The following FARS2 variants were observed in gnomAD, a reference collection of about 807,000 sequenced individuals.
The protein encoded by FARS2 is phenylalanyl-tRNA synthetase 2, mitochondrial.
Under a neutral mutation model 46.4 loss-of-function variants are expected in FARS2, and 40 were observed. The observed-to-expected ratio is 0.86, with a 90% CI of 0.67 to 1.12. The LOEUF (loss-of-function observed/expected upper bound fraction) is 1.12, where lower values mean the gene tolerates loss of function less well. Ranked by LOEUF, FARS2 falls within the 50% of genes most tolerant of loss-of-function variation. The pLI is 0.00. For synonymous variants in FARS2, 234 were observed against 214.9 expected (o/e 1.09, Z -0.78); for missense variants, 513 against 567.9 (o/e 0.90, Z 0.98).
intron 1 of FARS2, among the ~76,000 whole-genome samples, chr6:5,301,926 T>C (rs1477343173): frequency 6.6e-6 from 1 of 151,982 alleles, no homozygotes; most frequent in Non-Finnish European, 1.5e-5. Flanking sequence ...TCCTTCATGT[T>C]GGGAATTCAC....
chr6:5,557,117 C>T (rs78679882), intron 5 of FARS2, among the ~76,000 whole-genome samples: 2,308 of 152,172 alleles, frequency 0.015, 31 homozygotes, highest in Non-Finnish European at 0.023. Flanking sequence ...AAAGAAAGGT[C>T]GTATCAATTA....
intron 1 of FARS2, among the ~76,000 whole-genome samples, chr6:5,269,061 C>G (rs1456157591): frequency 6.6e-6 from 1 of 152,158 alleles, no homozygotes; most frequent in African/African-American, 2.4e-5. Context: ...CAGCACTGTT[C>G]ACAATAGCAA....
chr6:5,716,112 A>G lies in FARS2; in HGVS notation c.1218-55179A>G, dbSNP rs141348819. ...CTTATTTTTCCAGCTATTCTTTTGA[A>G]GCTAATTTGGGATGTCATTTCATCT... On this transcript the variant is annotated intron_variant, in intron 6 of 6. Transcript: ENST00000274680. Among the ~76,000 whole-genome samples the G allele has an allele frequency of 1.9e-3, 285 of 152,260 alleles. 2 individuals carry two copies. Among genetic ancestry groups the G allele is most frequent in the Middle Eastern group, 3.4e-3 (1 of 294 alleles).
intron 5 of FARS2, among the ~76,000 whole-genome samples, chr6:5,548,372 C>G (rs1188500142): frequency 1.3e-5 from 2 of 152,180 alleles, no homozygotes; most frequent in East Asian, 3.8e-4. Context: ...CATCTTGAAC[C>G]TTTCTATGTA....
intron 5 of FARS2, among the ~76,000 whole-genome samples, chr6:5,571,891 GC>G (rs886500702): frequency 2.0e-5 from 3 of 151,822 alleles, no homozygotes; most frequent in African/African-American, 7.2e-5. Flanking sequence ...CAAACCTCTA[GC>G]CTCACTTCTT....
rs1252993476 is a variant in FARS2 at position 5,404,770 on chromosome 6, G to C, written c.772+69G>C. ...TTGGGACAGAAGTGTTTTGGATTTG[G>C]GTTTTTTTTTTTTTTTTCATATTTT... On this transcript the variant is annotated intron_variant, in intron 3 of 6. Coordinates refer to ENST00000274680, the MANE Select transcript of FARS2 (RefSeq NM_006567.5). 5 of 1,002,986 alleles carry C rather than the reference G, an allele frequency of 5.0e-6. No homozygotes were observed. The East Asian group carries it at 1.2e-4, about 24-fold the overall frequency. The allele number at this position is 1,002,986 out of a possible 1,614,324, so 62.1% of individuals were successfully genotyped here. A position where few individuals can be genotyped will look rare whatever the true frequency, so the allele number is the denominator to read the frequency against.
chr6:5,489,761 T>C (rs1766989783), intron 4 of FARS2, among the ~76,000 whole-genome samples: 1 of 152,342 alleles, frequency 6.6e-6, no homozygotes, highest in East Asian at 1.9e-4. Flanking sequence ...CTGGTTATTA[T>C]TATAGAAAGT....
In FARS2 at chr6:5,700,586, C is replaced by T. The variant is rs146445436; in HGVS notation, c.1218-70705C>T. On this transcript the variant is annotated intron_variant, in intron 6 of 6. Transcript: ENST00000274680. ...CTGATTTTTGTATTTTTAGTAGAGACGGGGTTTCACCATGTTGGCCAGGCT... is the reference window on the plus strand; with the variant it reads ...CTGATTTTTGTATTTTTAGTAGAGATGGGGTTTCACCATGTTGGCCAGGCT... Among the ~76,000 whole-genome samples the T allele has an allele frequency of 8.1e-3, 1,232 of 152,082 alleles. 10 individuals are homozygous for T. Among genetic ancestry groups the T allele is most frequent in the Middle Eastern group, 0.02 (6 of 294 alleles).
In FARS2 at chr6:5,644,520, T is replaced by C. The variant is rs542944049; in HGVS notation, c.1217+31200T>C. On this transcript the variant is annotated intron_variant, in intron 6 of 6. Transcript: ENST00000274680. ...CAGCCACCGTGCCTGGCCTGTTGTT[T>C]CCTTTTAACCCTTGTTTTCAGACAG... Among the ~76,000 whole-genome samples, 6 of 152,208 alleles carry C rather than the reference T, an allele frequency of 3.9e-5. 1 individual carries two copies. In the East Asian group the frequency reaches 1.2e-3, roughly 29 times the overall value.
intron 6 of FARS2, among the ~76,000 whole-genome samples, chr6:5,628,662 G>A (rs1776150526): frequency 6.6e-6 from 1 of 152,202 alleles, no homozygotes; most frequent in African/African-American, 2.4e-5. Context: ...CCCCGGCCAC[G>A]TTTCCCATCA....
At position 5,754,539 on chromosome 6, in the gene FARS2, A is replaced by G. The variant is rs540548038; in HGVS notation, c.1218-16752A>G. Among the ~76,000 whole-genome samples, 12 of 152,380 alleles carry G rather than the reference A, an allele frequency of 7.9e-5. No homozygotes were observed. In the East Asian group the frequency reaches 2.3e-3, roughly 29 times the overall value. ...CATGTTAATGTTGCTAGCTTCTCACATCCACTTCCTTTATGAGTTCATTTT... is the reference window on the plus strand; with the variant it reads ...CATGTTAATGTTGCTAGCTTCTCACGTCCACTTCCTTTATGAGTTCATTTT... On this transcript the variant is annotated intron_variant, in intron 6 of 6. Coordinates refer to ENST00000274680, the MANE Select transcript of FARS2 (RefSeq NM_006567.5).
At chr6:5,541,799 G>A (rs1225232709) in intron 4 of FARS2, among the ~76,000 whole-genome samples, 2 of 152,144 alleles carry the variant, frequency 1.3e-5, no homozygotes, top group Admixed American at 1.3e-4. Context: ...CAGAGCAGTG[G>A]CATGGGCTGT....
At chr6:5,556,777 A>C (rs1192612845) in intron 5 of FARS2, among the ~76,000 whole-genome samples, 5 of 152,188 alleles carry the variant, frequency 3.3e-5, no homozygotes, top group African/African-American at 1.2e-4. Flanking sequence ...TGTTAAACAT[A>C]TCCAATATCC....
intron 6 of FARS2, among the ~76,000 whole-genome samples, chr6:5,708,114 A>G (rs1243902129): frequency 6.6e-6 from 1 of 152,100 alleles, no homozygotes; most frequent in Non-Finnish European, 1.5e-5. Context: ...GTGGTTGTAG[A>G]ACAGTGAACT....
chr6:5,608,733 A>G (rs528929533), intron 5 of FARS2, among the ~76,000 whole-genome samples: 41 of 152,246 alleles, frequency 2.7e-4, no homozygotes, highest in Admixed American at 2.6e-4. Context: ...CAGTTCACCT[A>G]CACCAAGGTT....
At chr6:5,396,726 G>A (rs1483691518) in intron 2 of FARS2, among the ~76,000 whole-genome samples, 2 of 152,216 alleles carry the variant, frequency 1.3e-5, no homozygotes, top group Non-Finnish European at 2.9e-5. Flanking sequence ...AGCGTGTGGA[G>A]GTGCTACAGC....
intron 5 of FARS2, among the ~76,000 whole-genome samples, chr6:5,607,534 T>C (rs1774913867): frequency 6.6e-6 from 1 of 152,060 alleles, no homozygotes; most frequent in East Asian, 1.9e-4. Flanking sequence ...TAAAGTGACC[T>C]GTTAAAAATC....
intron 6 of FARS2, among the ~76,000 whole-genome samples, chr6:5,746,177 T>A (rs1380294977): frequency 6.6e-6 from 1 of 152,194 alleles, no homozygotes; most frequent in African/African-American, 2.4e-5. Context: ...ATTATCCTTT[T>A]ACACTGCTGA....
intron 3 of FARS2, among the ~76,000 whole-genome samples, chr6:5,411,515 C>T (rs2127732083): frequency 6.6e-6 from 1 of 152,298 alleles, no homozygotes; most frequent in South Asian, 2.1e-4. Context: ...GGAACTGCCT[C>T]TACAGGCCTC....
Sources: allele counts gnomAD v4.1 joint callset (sites outside exome capture counted in the v4.1 genomes callset), GRCh38; gene constraint gnomAD v4.1.1; transcripts MANE v1.5; gene names NCBI Gene and HGNC (gene_info 2026-07-23, HGNC 2026-07-21).